The following SLC22A3 variants were observed in gnomAD, a reference collection of about 807,000 sequenced individuals.
The protein encoded by SLC22A3 is EMT organic cation transporter 3.
Under a neutral mutation model 59.1 loss-of-function variants are expected in SLC22A3, and 51 were observed. That is an observed-to-expected ratio of 0.86 (90% CI 0.69 to 1.09). The LOEUF (loss-of-function observed/expected upper bound fraction) is 1.09, where lower values mean the gene tolerates loss of function less well. SLC22A3 is among the 50% of genes least tolerant of loss of function. The probability of loss-of-function intolerance (pLI) is 0.00; values close to 1 mark genes in which losing one functional copy is unlikely to be tolerated. For missense variants in SLC22A3, 711 were observed against 726.3 expected (o/e 0.98, Z 0.24); for synonymous variants, 325 against 292.0 (o/e 1.11, Z -1.15).
In SLC22A3 at chr6:160,407,948, G is replaced by A. The variant is rs146078357; in HGVS notation, c.688+753G>A. ...CTGCTATACAATCTCCAAGCAGTGC[G>A]CATTTTGGAGACCCCTGAAGACCTT... On this transcript the variant is annotated intron_variant, in intron 3 of 10. Transcript: ENST00000275300. Among the ~76,000 whole-genome samples, 1,072 of 152,216 alleles carry A rather than the reference G, an allele frequency of 7.0e-3. 12 individuals are homozygous for A. Among genetic ancestry groups the A allele is most frequent in the African/African-American group, 0.024 (1,003 of 41,520 alleles).
chr6:160,408,328 A>G (rs1272623264), intron 3 of SLC22A3, among the ~76,000 whole-genome samples: 1 of 152,224 alleles, frequency 6.6e-6, no homozygotes, highest in African/African-American at 2.4e-5. Flanking sequence ...TTTATAATGA[A>G]TCTTCTAAGG....
chr6:160,400,875 C>T (rs1256567964), intron 2 of SLC22A3, among the ~76,000 whole-genome samples: 2 of 149,316 alleles, frequency 1.3e-5, no homozygotes, highest in African/African-American at 2.5e-5. Context: ...AGATCAAAAA[C>T]ACTGTAACAG....
intron 2 of SLC22A3, among the ~76,000 whole-genome samples, chr6:160,400,770 A>G (rs1786740435): frequency 1.3e-5 from 2 of 152,132 alleles, no homozygotes; most frequent in South Asian, 4.1e-4. Context: ...CAACTATGCC[A>G]AGAAGTCTGA....
chr6:160,449,344 T>C (rs1340574051), intron 10 of SLC22A3, among the ~76,000 whole-genome samples: 1 of 152,136 alleles, frequency 6.6e-6, no homozygotes, highest in Admixed American at 6.5e-5. Flanking sequence ...AAATTTAAGG[T>C]ACCCAGATTC....
intron 7 of SLC22A3, among the ~76,000 whole-genome samples, chr6:160,440,980 G>T (rs1263077544): frequency 2.6e-5 from 4 of 151,868 alleles, no homozygotes; most frequent in Admixed American, 2.6e-4. Context: ...GTTTTAATTT[G>T]GTCTCTGGCT....
intron 3 of SLC22A3, 124 bp downstream of exon 3, chr6:160,407,319 A>G: frequency 2.0e-6 from 2 of 1,008,610 alleles, no homozygotes; most frequent in African/African-American, 1.6e-5. Flanking sequence ...CTGCAGCTAC[A>G]GTAATTATTT....
intron 2 of SLC22A3, among the ~76,000 whole-genome samples, chr6:160,404,166 G>A (rs1273999647): frequency 4.7e-5 from 7 of 148,176 alleles, no homozygotes; most frequent in Non-Finnish European, 1.0e-4. Context: ...GATTGTCTAT[G>A]TAGAAAATCA....
intron 1 of SLC22A3, among the ~76,000 whole-genome samples, chr6:160,361,060 G>A (rs1259720036): frequency 6.6e-6 from 1 of 152,214 alleles, no homozygotes; most frequent in South Asian, 2.1e-4. Context: ...GAACAGACAA[G>A]TGGACCAGTG....
At chr6:160,403,410 C>A (rs1786871599) in intron 2 of SLC22A3, among the ~76,000 whole-genome samples, 1 of 151,862 alleles carries the variant, frequency 6.6e-6, no homozygotes, top group African/African-American at 2.4e-5. Flanking sequence ...TAGTTAATTA[C>A]TTTTCAAAAC....
At chr6:160,356,547 C>T (rs1014144502) in intron 1 of SLC22A3, among the ~76,000 whole-genome samples, 1 of 152,192 alleles carries the variant, frequency 6.6e-6, no homozygotes, top group Non-Finnish European at 1.5e-5. Context: ...AGGTGCAAGG[C>T]CCGGTGCAGG....
intron 5 of SLC22A3, among the ~76,000 whole-genome samples, chr6:160,425,057 T>A (rs2114891359): frequency 6.6e-6 from 1 of 152,298 alleles, no homozygotes; most frequent in Non-Finnish European, 1.5e-5. Context: ...AGGTTTTTGA[T>A]GTCAACTAAG....
intron 5 of SLC22A3, among the ~76,000 whole-genome samples, chr6:160,427,161 C>T (rs1019806370): frequency 2.7e-4 from 41 of 152,180 alleles, no homozygotes; most frequent in African/African-American, 9.2e-4. Context: ...GCTTGTGACC[C>T]GAGCTGATGG....
At chr6:160,356,859 A>T (rs1784856774) in intron 1 of SLC22A3, among the ~76,000 whole-genome samples, 1 of 152,244 alleles carries the variant, frequency 6.6e-6, no homozygotes, top group African/African-American at 2.4e-5. Context: ...GATCAGTAAC[A>T]GCTTTTTAAG....
intron 1 of SLC22A3, among the ~76,000 whole-genome samples, chr6:160,392,845 G>A (rs998967667): frequency 1.3e-5 from 2 of 152,028 alleles, no homozygotes; most frequent in Non-Finnish European, 2.9e-5. Flanking sequence ...GTTTTGGCCA[G>A]TGCAAAATGT....
intron 1 of SLC22A3, among the ~76,000 whole-genome samples, chr6:160,387,954 A>G (rs1786089621): frequency 6.6e-6 from 1 of 152,148 alleles, no homozygotes; most frequent in Admixed American, 6.5e-5. Flanking sequence ...CAGCAAGAAA[A>G]TGGGGGTCTC....
chr6:160,402,158 C>A (rs79494865), intron 2 of SLC22A3, among the ~76,000 whole-genome samples: 2,983 of 151,994 alleles, frequency 0.02, 91 homozygotes, highest in Middle Eastern at 0.11. Context: ...TTTCAATATA[C>A]AGACACATAT....
At chr6:160,443,014 T>G in intron 8 of SLC22A3, 145 bp downstream of exon 8, 1 of 706,358 alleles carries the variant, frequency 1.4e-6, no homozygotes, top group East Asian at 2.7e-5. Flanking sequence ...GAAGATATGC[T>G]TTGAGTTATC....
intron 1 of SLC22A3, among the ~76,000 whole-genome samples, chr6:160,364,315 A>T (rs374145): frequency 0.82 from 124,367 of 152,208 alleles, 51,077 homozygotes; most frequent in East Asian, 0.92. Flanking sequence ...GAGCTTTTCA[A>T]TACTGCTGCT....
intron 2 of SLC22A3, 87 bp from the exon 3 acceptor site, chr6:160,406,954 G>A (rs1373653076): frequency 1.7e-5 from 24 of 1,425,756 alleles, no homozygotes; most frequent in Non-Finnish European, 2.3e-5. Context: ...AGTATAATAT[G>A]GTATGATATA....
Sources: gnomAD v4.1 joint callset for allele counts (sites outside exome capture counted in the v4.1 genomes callset) on GRCh38, gnomAD v4.1.1 for gene constraint, MANE v1.5 for transcripts, NCBI Gene and HGNC (gene_info 2026-07-23, HGNC 2026-07-21) for gene names.